The following AGRN variants were observed in gnomAD, a reference collection of about 807,000 sequenced individuals.
AGRN encodes the protein agrin proteoglycan.
AGRN carries 106 observed loss-of-function variants against 211.0 expected under a neutral mutation model. The observed-to-expected ratio is 0.50, with a 90% CI of 0.43 to 0.59. The LOEUF (loss-of-function observed/expected upper bound fraction) is 0.59, where lower values mean the gene tolerates loss of function less well. AGRN is among the 20% of genes least tolerant of loss of function. The probability of loss-of-function intolerance (pLI) is 0.00; values close to 1 mark genes in which losing one functional copy is unlikely to be tolerated. For synonymous variants in AGRN, 1,525 were observed against 1,332.5 expected (o/e 1.14, Z -3.15); for missense variants, 3,040 against 2,982.6 (o/e 1.02, Z -0.45).
chr1:1,054,540 C>A lies in AGRN; in HGVS notation c.5969C>A (p.Ala1990Asp). 6.3e-7 allele frequency: 1 copy of A among 1,597,274 alleles called. No homozygotes were observed. Among genetic ancestry groups the A allele is most frequent in the African/African-American group, 1.3e-5 (1 of 74,770 alleles). ...LGATQLDTDG[A>D]LWLGGLPELP... ...GCCACGCAGCTGGACACTGATGGAG[C>A]CCTGTGGCTTGGTGAGTGTTTTGGG... is the stretch of plus-strand genomic sequence containing the variant. The change falls in exon 35 of 36, where the codon GCC (alanine) becomes GAC (aspartate). Residue 1990 changes from alanine (A) to aspartate (D), a missense_variant. Around this residue, in one of 3 missense-constraint regions of AGRN, gnomAD observed 1,537 missense variants for 1,505.0 expected, o/e 1.02. Transcript: ENST00000379370.
In AGRN at chr1:1,048,257, T is replaced by C. The variant is rs768359996; in HGVS notation, c.3997T>C (p.Cys1333Arg). The C allele has an allele frequency of 4.5e-6, 7 of 1,539,774 alleles. No homozygotes were observed. Among genetic ancestry groups the C allele is most frequent in the Non-Finnish European group, 6.1e-6 (7 of 1,140,350 alleles). ...PPAPQQPPKP[C>R]DSQPCFHGGT... ...GGCCCCCCAGCAGCCTCCAAAGCCC[T>C]GTGACTCACAGCCCTGCTTCCACGG... is the stretch of plus-strand genomic sequence containing the variant. The change falls in exon 23 of 36, where the codon TGT becomes CGT. Residue 1333 changes from cysteine to arginine, a missense_variant. Cys to Arg is a radical substitution (Grantham distance 180, BLOSUM62 -3). Coordinates refer to ENST00000379370, the MANE Select transcript of AGRN (RefSeq NM_198576.4). The surrounding 1 kb of genome is among the most constrained non-coding windows in gnomAD (Gnocchi z 5.9).
Position 1,020,347 on chromosome 1 carries a change from CCGGTGCAGCACA to C in AGRN, c.178_189del (p.Val60_Thr63del). On this transcript the variant is annotated inframe_deletion, in exon 1 of 36. Coordinates refer to ENST00000379370, the MANE Select transcript of AGRN (RefSeq NM_198576.4). Reference sequence around the variant, plus strand: ...GGTGGAGGAGATCCTCAACGTGGACCCGGTGCAGCACACGTACTCCTGCAAGGTGCGCCCACC... The same window carrying C: ...GGTGGAGGAGATCCTCAACGTGGACCCGTACTCCTGCAAGGTGCGCCCACC... The C allele has an allele frequency of 6.7e-7, 1 of 1,495,130 alleles. No individual in the cohort carries two copies. Among genetic ancestry groups the C allele is most frequent in the Non-Finnish European group, 8.9e-7 (1 of 1,120,916 alleles). 92.6% of individuals were successfully genotyped at this position (1,495,130 alleles called of 1,614,324 possible).
In AGRN at chr1:1,032,802, C is replaced by T. The variant is rs1220867654; in HGVS notation, c.464-2475C>T. ...GGTAATGGGTGCGCAGGGGTCCCTT[C>T]CAAAGGCTGCGGGTGGCCAGGGGTG... On this transcript the variant is annotated intron_variant, in intron 2 of 35. Transcript: ENST00000379370. The surrounding 1 kb of genome is among the most constrained non-coding windows in gnomAD (Gnocchi z 4.7). Among the ~76,000 whole-genome samples, 2 of 152,118 alleles carry T rather than the reference C, an allele frequency of 1.3e-5. No individual in the cohort carries two copies. Among genetic ancestry groups the T allele is most frequent in the African/African-American group, 4.8e-5 (2 of 41,422 alleles).
intron 3 of AGRN, among the ~76,000 whole-genome samples, chr1:1,036,864 C>G (rs556498282): frequency 6.6e-6 from 1 of 152,286 alleles, no homozygotes; most frequent in African/African-American, 2.4e-5. Flanking sequence ...TGCTGTCCCC[C>G]TTCCTGAGAC....
rs752637758 is a variant in AGRN, at chr1:1,035,291, C to T, written c.478C>T (p.His160Tyr). Residue 160 changes from histidine (H) to tyrosine (Y), a missense_variant, in exon 3 of 36, where the codon CAC becomes TAC. Around this residue, in one of 3 missense-constraint regions of AGRN, gnomAD observed 1,498 missense variants for 1,457.8 expected, o/e 1.03. Coordinates refer to ENST00000379370, the MANE Select transcript of AGRN (RefSeq NM_198576.4). ...EFCVEDKPGT[H>Y]FTPVPPTPPD... ...TTTTCTTCCAGATAAACCCGGGACC[C>T]ACTTCACTCCAGTGCCTCCGACGCC... The T allele has an allele frequency of 1.2e-6, 2 of 1,612,990 alleles. No individual in the cohort carries two copies. The highest frequency in any genetic ancestry group is 2.2e-5 in the East Asian group (1 of 44,896).
chr1:1,049,101 G>C, intron 24 of AGRN, 42 bp downstream of exon 24: 1 of 1,133,310 alleles, frequency 8.8e-7, no homozygotes, highest in Non-Finnish European at 1.2e-6. Flanking sequence ...TCAGGTGGGC[G>C]GGGAGGGGAC....
intron 19 of AGRN, 98 bp downstream of exon 19, chr1:1,047,055 G>A (rs919101056): frequency 1.3e-6 from 2 of 1,524,168 alleles, no homozygotes; most frequent in Middle Eastern, 2.3e-4. Context: ...CGGGGGTTAT[G>A]GTCTTGGGAC....
At chr1:1,039,373 C>T (rs1644874264) in intron 3 of AGRN, among the ~76,000 whole-genome samples, 1 of 147,650 alleles carries the variant, frequency 6.8e-6, no homozygotes, top group South Asian at 2.2e-4. Context: ...ATAGCAACAG[C>T]TGGCTCCAGC....
At chr1:1,042,918 G>A (rs1644984809) in intron 7 of AGRN, among the ~76,000 whole-genome samples, 1 of 152,070 alleles carries the variant, frequency 6.6e-6, no homozygotes, top group Non-Finnish European at 1.5e-5. Context: ...TCCTGGGGAT[G>A]CTGGTGGTCA....
chr1:1,053,377 C>G, intron 33 of AGRN: 1 of 1,214,584 alleles, frequency 8.2e-7, no homozygotes, highest in South Asian at 1.5e-5. Context: ...GTGCCTGCTC[C>G]TTGCACCCCA....
In AGRN at chr1:1,043,405, C is replaced by T; in HGVS notation, c.1551C>T (p.Ala517=). ...VTYGSACELE[A]TACTLGREIQ... Reference sequence around the variant, plus strand: ...ACGGCAGCGCGTGCGAGCTGGAGGCCACGGCCTGTACCCTCGGGCGGGAGA... The same window carrying T: ...ACGGCAGCGCGTGCGAGCTGGAGGCTACGGCCTGTACCCTCGGGCGGGAGA... Residue 517 remains alanine, a synonymous_variant, in exon 8 of 36, where the codon GCC becomes GCT. Coordinates refer to ENST00000379370, the MANE Select transcript of AGRN (RefSeq NM_198576.4). 6.2e-7 allele frequency: 1 copy of T among 1,608,290 alleles called. No individual in the cohort carries two copies. The highest frequency in any genetic ancestry group is 8.5e-7 in the Non-Finnish European group (1 of 1,178,324).
intron 2 of AGRN, 40 bp downstream of exon 2, chr1:1,022,502 A>G (rs938048160): frequency 6.3e-7 from 1 of 1,575,198 alleles, no homozygotes. Flanking sequence ...TGTGGGGGTC[A>G]GGGCAGTGGC....
chr1:1,043,594 G>T lies in AGRN; in HGVS notation c.1660G>T (p.Val554Leu). The change falls in exon 9 of 36, where the codon GTG becomes TTG. Residue 554 changes from valine to leucine, a missense_variant. This residue lies in a region of AGRN where 1,498 missense variants were observed against 1,457.8 expected (regional missense o/e 1.03). Transcript: ENST00000379370. ...ALCEAETGRCVCPSECVALAQ... is the reference protein window; with the variant it reads ...ALCEAETGRCLCPSECVALAQ... ...GTGCGAGGCCGAGACCGGGCGCTGC[G>T]TGTGCCCCTCTGAATGCGTGGCTTT... 1 of 1,605,028 alleles carries T rather than the reference G, an allele frequency of 6.2e-7. No homozygotes were observed. The highest frequency in any genetic ancestry group is 1.6e-4 in the Middle Eastern group (1 of 6,062).
intron 1 of AGRN, among the ~76,000 whole-genome samples, chr1:1,021,794 G>A (rs1158399936): frequency 6.6e-6 from 1 of 151,684 alleles, no homozygotes; most frequent in African/African-American, 2.4e-5. Context: ...TTACCCCAAC[G>A]CCCCATCCCC....
At chr1:1,042,516 C>T (rs1020205438) in intron 7 of AGRN, among the ~76,000 whole-genome samples, 2 of 152,242 alleles carry the variant, frequency 1.3e-5, no homozygotes, top group African/African-American at 4.8e-5. Context: ...CATGGGCAGC[C>T]GTCGGCCGTT....
chr1:1,041,487 A>G lies in AGRN; in HGVS notation c.962A>G (p.Gln321Arg), dbSNP rs1375092528. ...TGCCCTCGACCCCCAGACCCCTGTCAGGGCGCCCTCCCTGACCCGAGCCGC... is the reference window on the plus strand; with the variant it reads ...TGCCCTCGACCCCCAGACCCCTGTCGGGGCGCCCTCCCTGACCCGAGCCGC... ...KKFDGPCDPC[Q>R]GALPDPSRSC... The change falls in exon 6 of 36, where the codon CAG (glutamine) becomes CGG (arginine). Residue 321 changes from glutamine (Q) to arginine (R), a missense_variant. This residue lies in a region of AGRN where 1,498 missense variants were observed against 1,457.8 expected (regional missense o/e 1.03). Coordinates refer to ENST00000379370, the MANE Select transcript of AGRN (RefSeq NM_198576.4). The G allele has an allele frequency of 6.3e-7, 1 of 1,593,714 alleles. No individual in the cohort carries two copies. Among genetic ancestry groups the G allele is most frequent in the Admixed American group, 1.7e-5 (1 of 59,268 alleles).
At chr1:1,036,937 A>G (rs1644817695) in intron 3 of AGRN, among the ~76,000 whole-genome samples, 1 of 152,006 alleles carries the variant, frequency 6.6e-6, no homozygotes, top group South Asian at 2.1e-4. Context: ...GAGGCATTTG[A>G]GGGGACACGG....
At chr1:1,044,916 T>G (rs1645048156) in intron 12 of AGRN, among the ~76,000 whole-genome samples, 1 of 152,198 alleles carries the variant, frequency 6.6e-6, no homozygotes, top group African/African-American at 2.4e-5. Context: ...TGCACAGAGC[T>G]GCGTGTCCGT....
In AGRN at chr1:1,044,667, A is replaced by G. The variant is rs921090447; in HGVS notation, c.2254+228A>G. On this transcript the variant is annotated intron_variant, in intron 12 of 35. Coordinates refer to ENST00000379370, the MANE Select transcript of AGRN (RefSeq NM_198576.4). Reference sequence around the variant, plus strand: ...TGCACCAGGCCAGGCCTCAGTGCTGAGAGGCAGCGTGAACCATGCGGGGCC... The same window carrying G: ...TGCACCAGGCCAGGCCTCAGTGCTGGGAGGCAGCGTGAACCATGCGGGGCC... Among the ~76,000 whole-genome samples the G allele has an allele frequency of 7.9e-5, 12 of 152,092 alleles. 1 individual carries two copies. The East Asian group carries it at 2.1e-3, about 27-fold the overall frequency.
Sources: allele counts gnomAD v4.1 joint callset (sites outside exome capture counted in the v4.1 genomes callset), GRCh38; gene constraint gnomAD v4.1.1; regional missense constraint gnomAD v4.1.1; non-coding constraint Gnocchi (gnomAD v3.1); transcripts MANE v1.5; gene names NCBI Gene and HGNC (gene_info 2026-07-23, HGNC 2026-07-21).